The following SFMBT1 variants were observed in gnomAD, a reference collection of about 807,000 sequenced individuals.
The protein encoded by SFMBT1 is Scm like with four mbt domains 1, also known as scm-like with four MBT domains protein 1.
SFMBT1 carries 32 observed loss-of-function variants against 108.7 expected under a neutral mutation model. That is an observed-to-expected ratio of 0.29 (90% confidence interval 0.22 to 0.40). SFMBT1 has a LOEUF of 0.40. SFMBT1 is among the 10% of genes least tolerant of loss of function. The probability of loss-of-function intolerance (pLI) is 1.00; values close to 1 mark genes in which losing one functional copy is unlikely to be tolerated. For synonymous variants in SFMBT1, 348 were observed against 369.5 expected, an observed-to-expected ratio of 0.94 and a Z score of 0.67; for missense variants, 816 against 1,059.6, an observed-to-expected ratio of 0.77 and a Z score of 3.19.
chr3:53,016,378 C>G (rs1029158581), intron 1 of SFMBT1, among the ~76,000 whole-genome samples: 1 of 152,150 alleles, frequency 6.6e-6, no homozygotes, highest in African/African-American at 2.4e-5. Context: ...AACATATATC[C>G]AACTTTCAAA....
chr3:53,023,142 C>G (rs947541089), intron 1 of SFMBT1, among the ~76,000 whole-genome samples: 3 of 152,124 alleles, frequency 2.0e-5, no homozygotes, highest in Non-Finnish European at 4.4e-5. Flanking sequence ...TAAATGACAG[C>G]AGGGTCCTGA....
intron 3 of SFMBT1, among the ~76,000 whole-genome samples, chr3:52,946,816 G>A (rs1243503344): frequency 7.0e-6 from 1 of 142,738 alleles, no homozygotes; most frequent in East Asian, 2.1e-4. Context: ...CTGTCACCCA[G>A]GCTGGACTGC....
chr3:53,007,636 A>G (rs1698792856), intron 1 of SFMBT1, among the ~76,000 whole-genome samples: 1 of 152,242 alleles, frequency 6.6e-6, no homozygotes, highest in South Asian at 2.1e-4. Flanking sequence ...ATAATAAAAG[A>G]TTATAGCTCA....
chr3:52,979,233 T>C (rs1428114751), intron 1 of SFMBT1, among the ~76,000 whole-genome samples: 1 of 152,096 alleles, frequency 6.6e-6, no homozygotes, highest in East Asian at 1.9e-4. Context: ...CCTTAGGATA[T>C]GCAACAGAAG....
intron 1 of SFMBT1, among the ~76,000 whole-genome samples, chr3:52,985,729 A>C (rs1447595293): frequency 6.6e-6 from 1 of 152,240 alleles, no homozygotes; most frequent in African/African-American, 2.4e-5. Context: ...CCTAGGCTAT[A>C]CGGTGTAGCC....
At chr3:52,933,912 C>T (rs147940053) in intron 5 of SFMBT1, among the ~76,000 whole-genome samples, 17 of 152,118 alleles carry the variant, frequency 1.1e-4, no homozygotes, top group South Asian at 4.2e-4. Context: ...AAAATGTTTA[C>T]GCTGCAAACA....
At chr3:53,001,586 A>C (rs1698548270) in intron 1 of SFMBT1, among the ~76,000 whole-genome samples, 2 of 91,024 alleles carry the variant, frequency 2.2e-5, no homozygotes, top group African/African-American at 3.9e-5. Context: ...TTCATTTCTA[A>C]TAGCTCTAGC....
chr3:52,918,606 T>C lies in SFMBT1; in HGVS notation c.1373-80A>G, dbSNP rs193216366. 9,545 of 852,708 alleles carry C rather than the reference T, an allele frequency of 0.011. 859 individuals carry two copies. The South Asian group carries it at 0.16, about 14-fold the overall frequency. 52.8% of individuals were successfully genotyped at this position (852,708 alleles called of 1,614,324 possible). ...ATTCATATGTGTATTAAGGTTACAT[T>C]AGCATATTTAAAACCTGGTTCTGTG... On this transcript the variant is annotated intron_variant, in intron 12 of 20. Coordinates refer to ENST00000394752, the MANE Select transcript of SFMBT1 (RefSeq NM_016329.4).
chr3:53,042,596 G>C (rs1178762052), intron 1 of SFMBT1, among the ~76,000 whole-genome samples: 1 of 152,154 alleles, frequency 6.6e-6, no homozygotes, highest in Non-Finnish European at 1.5e-5. Flanking sequence ...CTCTTGCCTA[G>C]CCTCCCAAAG....
intron 5 of SFMBT1, among the ~76,000 whole-genome samples, chr3:52,932,740 G>A (rs201446762): frequency 1.3e-4 from 19 of 151,836 alleles, no homozygotes; most frequent in Non-Finnish European, 2.2e-4. Flanking sequence ...GTGAAACCCC[G>A]TCTCTACTAA....
chr3:52,995,007 A>G (rs1301178065), intron 1 of SFMBT1, among the ~76,000 whole-genome samples: 1 of 149,062 alleles, frequency 6.7e-6, no homozygotes, highest in Non-Finnish European at 1.5e-5. Flanking sequence ...TAGCATCAAG[A>G]AAGAAAGAAA....
chr3:52,924,365 G>A lies in SFMBT1; in HGVS notation c.1131+1666C>T, dbSNP rs191517128. Among the ~76,000 whole-genome samples, 133 of 152,200 alleles carry A rather than the reference G, an allele frequency of 8.7e-4. 1 individual carries two copies. The highest frequency in any genetic ancestry group is 1.3e-3 in the Non-Finnish European group (86 of 68,014). On this transcript the variant is annotated intron_variant, in intron 10 of 20. Coordinates refer to ENST00000394752, the MANE Select transcript of SFMBT1 (RefSeq NM_016329.4). The stretch of plus-strand genomic sequence containing the variant: ...ATGATTAAAACTACATGGCAAGGCC[G>A]GCACAGTGGCTCACACTTGTAATCC...
At chr3:53,044,680 G>A (rs1700157621) in intron 1 of SFMBT1, among the ~76,000 whole-genome samples, 1 of 152,230 alleles carries the variant, frequency 6.6e-6, no homozygotes, top group African/African-American at 2.4e-5. Context: ...CATACGCAGG[G>A]ATTGACAAAA....
chr3:52,961,115 T>C lies in SFMBT1; in HGVS notation c.29-6704A>G, dbSNP rs567554929. The stretch of plus-strand genomic sequence containing the variant: ...ATCACTGCACTCCAGCCTGGGCTGT[T>C]AGAGACCCCATCCTCCCAAAAATAA... On this transcript the variant is annotated intron_variant, in intron 2 of 20. Transcript: ENST00000394752. 4.3e-4 allele frequency among the ~76,000 whole-genome samples: 64 copies of C among 148,286 alleles called. 1 individual carries two copies. The South Asian group carries it at 0.014, about 32-fold the overall frequency.
chr3:52,969,070 A>G, intron 2 of SFMBT1, 31 bp downstream of exon 2: 1 of 1,612,582 alleles, frequency 6.2e-7, no homozygotes, highest in Non-Finnish European at 8.5e-7. Flanking sequence ...TGTGCATCCT[A>G]GAGAATAAAT....
At chr3:52,934,938 C>G (rs778840179) in intron 4 of SFMBT1, 37 bp from the exon 5 acceptor site, 3 of 1,561,176 alleles carry the variant, frequency 1.9e-6, no homozygotes, top group Non-Finnish European at 2.6e-6. Context: ...ACTCAAAATG[C>G]CAGCCACAGA....
At position 53,040,968 on chromosome 3, in the gene SFMBT1, A is replaced by ATTT. The variant is rs57640588; in HGVS notation, c.-131+4845_-131+4847dup. Among the ~76,000 whole-genome samples the ATTT allele has an allele frequency of 4.3e-3, 199 of 46,386 alleles. 5 individuals carry two copies. Among genetic ancestry groups the ATTT allele is most frequent in the East Asian group, 5.3e-3 (8 of 1,512 alleles). The allele number at this position is 46,386 out of a possible 152,430, so 30.4% of individuals were successfully genotyped here. A position where few individuals can be genotyped will look rare whatever the true frequency, so the allele number is the denominator to read the frequency against. ...TACAGGCATGCACCAAGACACCTGA[A>ATTT]TTTTTTTTTTTTTTTTTTTTTTTTT... On this transcript the variant is annotated intron_variant, in intron 1 of 20. Transcript: ENST00000394752.
chr3:52,982,945 A>C (rs1704768127), intron 1 of SFMBT1, among the ~76,000 whole-genome samples: 1 of 152,184 alleles, frequency 6.6e-6, no homozygotes, highest in African/African-American at 2.4e-5. Flanking sequence ...GACTGCTTTT[A>C]TGACAAGATC....
intron 5 of SFMBT1, among the ~76,000 whole-genome samples, chr3:52,933,143 T>G (rs1702910382): frequency 6.6e-6 from 1 of 152,238 alleles, no homozygotes; most frequent in South Asian, 2.1e-4. Flanking sequence ...TACTGTTTCT[T>G]AATTTGTTCT....
Sources: allele counts gnomAD v4.1 joint callset (sites outside exome capture counted in the v4.1 genomes callset), GRCh38; gene constraint gnomAD v4.1.1; transcripts MANE v1.5; gene names NCBI Gene and HGNC (gene_info 2026-07-23, HGNC 2026-07-21).